IQCJ: variants seen among roughly 807,000 people sequenced by gnomAD.
IQCJ encodes IQ motif containing J.
In IQCJ, 9 loss-of-function variants were observed where a neutral mutation model predicts 11.0. The observed-to-expected ratio is 0.82, with a 90% CI of 0.49 to 1.43. The LOEUF (loss-of-function observed/expected upper bound fraction) is 1.43, where lower values mean the gene tolerates loss of function less well. IQCJ is among the 40% of genes most tolerant of loss of function. The probability of loss-of-function intolerance (pLI) is 0.00; values close to 1 mark genes in which losing one functional copy is unlikely to be tolerated. For synonymous variants in IQCJ, 55 were observed against 51.3 expected (o/e 1.07, Z -0.31); for missense variants, 146 against 133.2 (o/e 1.10, Z -0.47).
chr3:159,265,470 G>C, downstream of IQCJ: 1 of 1,269,222 alleles, frequency 7.9e-7, no homozygotes, highest in South Asian at 1.5e-5. Context: ...CTGTCATCAA[G>C]AAATGAGCTT....
chr3:159,228,587 G>C (rs1032203643), intron 1 of IQCJ, among the ~76,000 whole-genome samples: 1 of 152,030 alleles, frequency 6.6e-6, no homozygotes, highest in East Asian at 1.9e-4. Context: ...TCAGGAGATC[G>C]AGACCATCCC....
At chr3:159,181,710 C>A (rs1442541934) in intron 1 of IQCJ, among the ~76,000 whole-genome samples, 3 of 151,682 alleles carry the variant, frequency 2.0e-5, no homozygotes, top group Non-Finnish European at 4.4e-5. Context: ...TTCTAGAATC[C>A]TTCCACATCC....
intron 1 of IQCJ, among the ~76,000 whole-genome samples, chr3:159,233,865 A>T (rs149679008): frequency 6.6e-6 from 1 of 152,352 alleles, no homozygotes; most frequent in African/African-American, 2.4e-5. Context: ...TATAGGAGGC[A>T]TTGCCATCAT....
intron 1 of IQCJ, among the ~76,000 whole-genome samples, chr3:159,173,752 A>C (rs1474284136): frequency 6.6e-6 from 1 of 152,214 alleles, no homozygotes; most frequent in Non-Finnish European, 1.5e-5. Flanking sequence ...GAAAGGCAAG[A>C]AAAGAAAATC....
intron 1 of IQCJ, among the ~76,000 whole-genome samples, chr3:159,121,309 A>C (rs1003423774): frequency 6.6e-6 from 1 of 151,394 alleles, no homozygotes; most frequent in Non-Finnish European, 1.5e-5. Context: ...AATCAAAAAA[A>C]TTTTTTTTAG....
At chr3:159,122,462 G>A (rs1327447993) in intron 1 of IQCJ, among the ~76,000 whole-genome samples, 1 of 152,190 alleles carries the variant, frequency 6.6e-6, no homozygotes, top group Non-Finnish European at 1.5e-5. Flanking sequence ...AGAGATACTT[G>A]ACTTCCCTCG....
chr3:159,188,502 G>A (rs1235429107), intron 1 of IQCJ, among the ~76,000 whole-genome samples: 1 of 152,164 alleles, frequency 6.6e-6, no homozygotes, highest in African/African-American at 2.4e-5. Context: ...ATTGGTAAGA[G>A]CACATAGAGT....
At chr3:159,198,975 C>G (rs1724156781) in intron 1 of IQCJ, among the ~76,000 whole-genome samples, 1 of 152,042 alleles carries the variant, frequency 6.6e-6, no homozygotes, top group Non-Finnish European at 1.5e-5. Flanking sequence ...AGGATTAGAC[C>G]CTTTAAGAAA....
chr3:159,239,843 C>T (rs1726811283), intron 1 of IQCJ, among the ~76,000 whole-genome samples: 1 of 152,112 alleles, frequency 6.6e-6, no homozygotes, highest in South Asian at 2.1e-4. Flanking sequence ...CTTACAGTAA[C>T]ATATGCTTTA....
intron 1 of IQCJ, among the ~76,000 whole-genome samples, chr3:159,213,048 G>A (rs565278371): frequency 6.6e-6 from 1 of 152,018 alleles, no homozygotes; most frequent in Non-Finnish European, 1.5e-5. Context: ...AGCAAGGCAG[G>A]TAGATCTCCA....
chr3:159,200,508 T>C (rs181946910), intron 1 of IQCJ, among the ~76,000 whole-genome samples: 130 of 152,190 alleles, frequency 8.5e-4, no homozygotes, highest in Admixed American at 1.6e-3. Context: ...TTAGGTGGTG[T>C]TGATGCAGGG....
chr3:159,227,507 A>C (rs1725928574), intron 1 of IQCJ, among the ~76,000 whole-genome samples: 1 of 152,196 alleles, frequency 6.6e-6, no homozygotes, highest in Admixed American at 6.5e-5. Flanking sequence ...TAAATGCTGT[A>C]AGTTATTATA....
At chr3:159,266,083 G>A (rs1269583642), downstream of IQCJ, 1 of 152,220 alleles carries the variant, frequency 6.6e-6, no homozygotes, top group Non-Finnish European at 1.5e-5. Context: ...CAGGCACTCT[G>A]CTATTATCTT....
chr3:159,201,848 G>GC (rs1015851444), intron 1 of IQCJ, among the ~76,000 whole-genome samples: 5 of 152,028 alleles, frequency 3.3e-5, no homozygotes, highest in African/African-American at 4.8e-5. Flanking sequence ...TTTTCCATCA[G>GC]TAAGTGAACA....
At chr3:159,164,404 G>GT (rs1170800643) in intron 1 of IQCJ, among the ~76,000 whole-genome samples, 2 of 152,098 alleles carry the variant, frequency 1.3e-5, no homozygotes, top group Non-Finnish European at 2.9e-5. Context: ...GTCTTTAAAA[G>GT]TATTTTAAAA....
chr3:159,242,909 G>A (rs918493286), intron 1 of IQCJ, among the ~76,000 whole-genome samples: 3 of 152,030 alleles, frequency 2.0e-5, no homozygotes, highest in Admixed American at 2.0e-4. Flanking sequence ...ACATACATCT[G>A]ACAAAAGAGT....
chr3:159,238,596 G>T (rs1439196714), intron 1 of IQCJ, among the ~76,000 whole-genome samples: 1 of 152,176 alleles, frequency 6.6e-6, no homozygotes, highest in Admixed American at 6.5e-5. Context: ...AGTGGGGGAG[G>T]CAGGTAAAGA....
intron 1 of IQCJ, among the ~76,000 whole-genome samples, chr3:159,244,980 C>T (rs1727162057): frequency 6.6e-6 from 1 of 152,144 alleles, no homozygotes; most frequent in African/African-American, 2.4e-5. Flanking sequence ...TGCGAGTCTT[C>T]CTTAAATCCT....
intron 1 of IQCJ, among the ~76,000 whole-genome samples, chr3:159,079,149 T>C (rs1478862192): frequency 6.6e-6 from 1 of 152,082 alleles, no homozygotes; most frequent in East Asian, 1.9e-4. Flanking sequence ...CAACTAAGCA[T>C]GGGCAGGAAA....
Sources: allele counts gnomAD v4.1 joint callset (sites outside exome capture counted in the v4.1 genomes callset), GRCh38; gene constraint gnomAD v4.1.1; transcripts MANE v1.5; gene names NCBI Gene and HGNC (gene_info 2026-07-23, HGNC 2026-07-21).